TRHDE: variants seen among roughly 807,000 people sequenced by gnomAD.
TRHDE encodes the protein thyrotropin-releasing hormone-degrading ectoenzyme.
Under a neutral mutation model 125.7 loss-of-function variants are expected in TRHDE, and 72 were observed. That is an observed-to-expected ratio of 0.57 (90% CI 0.47 to 0.70). The LOEUF is 0.70. Ranked by LOEUF, TRHDE falls within the 30% of genes least tolerant of loss-of-function variation. TRHDE has a pLI of 0.00. For synonymous variants in TRHDE, 509 were observed against 509.1 expected, an observed-to-expected ratio of 1.00 and a Z score of 0.00; for missense variants, 1,110 against 1,327.1, an observed-to-expected ratio of 0.84 and a Z score of 2.54.
intron 2 of TRHDE, among the ~76,000 whole-genome samples, chr12:72,343,517 A>G (rs561824994): frequency 6.6e-6 from 1 of 152,148 alleles, no homozygotes; most frequent in Non-Finnish European, 1.5e-5. Context: ...ACTATAGTCC[A>G]TAACACTCCA....
intron 2 of TRHDE, among the ~76,000 whole-genome samples, chr12:72,354,594 C>T (rs1870728315): frequency 6.6e-6 from 1 of 150,954 alleles, no homozygotes; most frequent in African/African-American, 2.4e-5. Context: ...GAGATTCAAA[C>T]AAAACTAGTG....
chr12:72,621,967 A>G (rs967216528), intron 15 of TRHDE, among the ~76,000 whole-genome samples: 12 of 152,162 alleles, frequency 7.9e-5, no homozygotes, highest in Non-Finnish European at 1.6e-4. Context: ...TGCTAACTTT[A>G]TTAATTTAGG....
intron 10 of TRHDE, 84 bp downstream of exon 10, chr12:72,568,740 AAT>A (rs1385953068): frequency 7.0e-6 from 6 of 855,302 alleles, no homozygotes; most frequent in Non-Finnish European, 1.1e-5. Flanking sequence ...GCTGTTATAA[AAT>A]GTGAATAAAG....
intron 2 of TRHDE, among the ~76,000 whole-genome samples, chr12:72,343,921 T>C (rs935329168): frequency 6.6e-6 from 1 of 152,022 alleles, no homozygotes; most frequent in Non-Finnish European, 1.5e-5. Flanking sequence ...CTATTGTTAT[T>C]CTTGTCTGTC....
intron 2 of TRHDE, among the ~76,000 whole-genome samples, chr12:72,321,568 G>T (rs1360819238): frequency 6.6e-6 from 1 of 152,088 alleles, no homozygotes; most frequent in East Asian, 1.9e-4. Context: ...AGACATTTGT[G>T]AGTTGTTTTC....
intron 2 of TRHDE, among the ~76,000 whole-genome samples, chr12:72,120,504 T>G (rs1442448674): frequency 6.6e-6 from 1 of 152,144 alleles, no homozygotes; most frequent in Admixed American, 6.5e-5. Flanking sequence ...TTTTGTTATC[T>G]GTTTTATGTT....
chr12:72,331,661 G>A (rs1869605017), intron 2 of TRHDE, among the ~76,000 whole-genome samples: 1 of 152,118 alleles, frequency 6.6e-6, no homozygotes, highest in African/African-American at 2.4e-5. Flanking sequence ...GGTTTATGAG[G>A]GAAAAGGAAT....
At chr12:72,324,668 A>G (rs1260466282) in intron 2 of TRHDE, among the ~76,000 whole-genome samples, 1 of 152,138 alleles carries the variant, frequency 6.6e-6, no homozygotes, top group East Asian at 1.9e-4. Context: ...TGGAGAAATT[A>G]GAGTCAGGAA....
intron 5 of TRHDE, among the ~76,000 whole-genome samples, chr12:72,489,858 C>T (rs1345174225): frequency 6.6e-6 from 1 of 151,750 alleles, no homozygotes; most frequent in African/African-American, 2.4e-5. Flanking sequence ...ATGGGTAAGA[C>T]CTAAATGTAA....
intron 3 of TRHDE, among the ~76,000 whole-genome samples, chr12:72,456,234 TTTTGGGGCA>T (rs1875846150): frequency 6.6e-6 from 1 of 151,338 alleles, no homozygotes; most frequent in Admixed American, 6.6e-5. Context: ...ATCACATTCA[TTTTGGGGCA>T]TTCCCTGGTC....
intron 3 of TRHDE, among the ~76,000 whole-genome samples, chr12:72,397,335 T>C (rs1362717113): frequency 6.6e-6 from 1 of 152,224 alleles, no homozygotes; most frequent in Non-Finnish European, 1.5e-5. Flanking sequence ...CCTCCTGGAC[T>C]ATTGCAACAG....
intron 3 of TRHDE, among the ~76,000 whole-genome samples, chr12:72,421,881 A>G (rs1873970019): frequency 6.6e-6 from 1 of 152,148 alleles, no homozygotes; most frequent in South Asian, 2.1e-4. Context: ...ATATTTTTGT[A>G]AAAGCTGTAA....
chr12:72,125,575 C>T (rs747248459), intron 2 of TRHDE, among the ~76,000 whole-genome samples: 4 of 152,112 alleles, frequency 2.6e-5, no homozygotes, highest in Admixed American at 6.6e-5. Flanking sequence ...TGTATTCCTT[C>T]TATTCATTGT....
chr12:72,635,955 CT>C (rs1873726046), intron 15 of TRHDE, among the ~76,000 whole-genome samples: 2 of 151,816 alleles, frequency 1.3e-5, no homozygotes, highest in South Asian at 4.2e-4. Flanking sequence ...CAGCTTTGTT[CT>C]TTTGGCTTAG....
intron 2 of TRHDE, among the ~76,000 whole-genome samples, chr12:72,248,262 A>G (rs1225718493): frequency 6.6e-6 from 1 of 152,090 alleles, no homozygotes; most frequent in East Asian, 1.9e-4. Flanking sequence ...TACTAAAAAT[A>G]CAAGAATTAG....
chr12:72,300,627 A>G (rs1249368498), intron 2 of TRHDE, among the ~76,000 whole-genome samples: 2 of 151,640 alleles, frequency 1.3e-5, no homozygotes, highest in Non-Finnish European at 1.5e-5. Flanking sequence ...GTGTGTGTGT[A>G]TATATATGTT....
At chr12:72,555,968 T>C (rs1051259603) in intron 7 of TRHDE, among the ~76,000 whole-genome samples, 39 of 152,310 alleles carry the variant, frequency 2.6e-4, no homozygotes, top group African/African-American at 9.4e-4. Flanking sequence ...TTAAAATGTT[T>C]TTGTTGTTGT....
At chr12:72,609,517 G>A (rs1872563421) in intron 12 of TRHDE, among the ~76,000 whole-genome samples, 1 of 151,954 alleles carries the variant, frequency 6.6e-6, no homozygotes, top group South Asian at 2.1e-4. Flanking sequence ...TAGGTAAATT[G>A]CAAGTCATAG....
chr12:72,094,129 T>C (rs1314211696), intron 1 of TRHDE, among the ~76,000 whole-genome samples: 1 of 152,226 alleles, frequency 6.6e-6, no homozygotes, highest in Non-Finnish European at 1.5e-5. Flanking sequence ...GCATAATTCC[T>C]GTCTGGTCCT....
Sources: gnomAD v4.1 joint callset for allele counts (sites outside exome capture counted in the v4.1 genomes callset) on GRCh38, gnomAD v4.1.1 for gene constraint, MANE v1.5 for transcripts, NCBI Gene and HGNC (gene_info 2026-07-23, HGNC 2026-07-21) for gene names.